The following GRM7 variants were observed in gnomAD, a reference collection of about 807,000 sequenced individuals.
GRM7 encodes glutamate metabotropic receptor 7, also known as metabotropic glutamate receptor 7.
In GRM7, 35 loss-of-function variants were observed where a neutral mutation model predicts 84.5. The ratio of observed to expected loss-of-function variants is 0.41; its 90% CI spans 0.32 to 0.55. GRM7 has a LOEUF of 0.55. Among genes scored for constraint, GRM7 ranks in the 20% least tolerant of loss-of-function variants. GRM7 has a pLI of 0.19. For missense variants in GRM7, 1,003 were observed against 1,194.6 expected (o/e 0.84, Z 2.36); for synonymous variants, 487 against 455.1 (o/e 1.07, Z -0.89).
chr3:7,633,148 T>C (rs1456664390), intron 8 of GRM7, among the ~76,000 whole-genome samples: 2 of 152,362 alleles, frequency 1.3e-5, no homozygotes, highest in African/African-American at 4.8e-5. Flanking sequence ...TACCTTCTTA[T>C]AATCATCACA....
At chr3:7,184,376 A>G (rs1695445716) in intron 2 of GRM7, among the ~76,000 whole-genome samples, 1 of 151,174 alleles carries the variant, frequency 6.6e-6, no homozygotes, top group Non-Finnish European at 1.5e-5. Flanking sequence ...TTAAAGTAGT[A>G]CTAGTTTTAT....
intron 2 of GRM7, among the ~76,000 whole-genome samples, chr3:7,268,849 G>GGAAT: frequency 1.3e-5 from 2 of 152,182 alleles, no homozygotes; most frequent in African/African-American, 4.8e-5. Flanking sequence ...TGGAACTTCA[G>GGAAT]CATGAAGTGC....
At position 7,394,777 on chromosome 3, in the gene GRM7, C is replaced by A. The variant is rs184688314; in HGVS notation, c.1034-20246C>A. ...AGGGCAGCAGATGTGGTGGCTCATG[C>A]CTGTAATCCCAGCACTTTGGGAGGC... is the stretch of plus-strand genomic sequence containing the variant. On this transcript the variant is annotated intron_variant, in intron 4 of 9. Coordinates refer to ENST00000357716, the MANE Select transcript of GRM7 (RefSeq NM_000844.4). Among the ~76,000 whole-genome samples, 232 of 152,270 alleles carry A rather than the reference C, an allele frequency of 1.5e-3. 2 individuals are homozygous for A. The highest frequency in any genetic ancestry group is 2.1e-3 in the Non-Finnish European group (144 of 68,026).
chr3:7,656,543 G>GCACACACACACA (rs140409240), intron 8 of GRM7, among the ~76,000 whole-genome samples: 5,020 of 119,758 alleles, frequency 0.042, 135 homozygotes, highest in South Asian at 0.056. Context: ...ATATATACGC[G>GCACACACACACA]CGCGCACACA....
rs73012163 is a variant in GRM7 at position 7,116,035 on chromosome 3, C to T, written c.520-30417C>T. Among the ~76,000 whole-genome samples, 411 of 152,228 alleles carry T rather than the reference C, an allele frequency of 2.7e-3. 3 individuals are homozygous for T. Among genetic ancestry groups the T allele is most frequent in the Non-Finnish European group, 4.9e-3 (330 of 68,002 alleles). On this transcript the variant is annotated intron_variant, in intron 1 of 9. Coordinates refer to ENST00000357716, the MANE Select transcript of GRM7 (RefSeq NM_000844.4). ...TGCAAAGACCCTGGCAATAAAACTG[C>T]AAACTTTACAGGGAAGATGCTCTAA...
At chr3:7,686,194 A>G (rs1282264409) in intron 9 of GRM7, among the ~76,000 whole-genome samples, 1 of 152,222 alleles carries the variant, frequency 6.6e-6, no homozygotes, top group East Asian at 1.9e-4. Flanking sequence ...ACCTGAATTG[A>G]GGTGACCTGG....
At chr3:7,111,725 G>C (rs1692857709) in intron 1 of GRM7, among the ~76,000 whole-genome samples, 1 of 152,054 alleles carries the variant, frequency 6.6e-6, no homozygotes, top group Non-Finnish European at 1.5e-5. Context: ...GAATTCTATA[G>C]TATGCATGCA....
chr3:7,357,635 C>T (rs1258449909), intron 4 of GRM7, among the ~76,000 whole-genome samples: 4 of 152,074 alleles, frequency 2.6e-5, no homozygotes, highest in South Asian at 2.1e-4. Context: ...GTGACAGACC[C>T]GAATAGCTTC....
At chr3:7,065,953 G>C (rs577166810) in intron 1 of GRM7, among the ~76,000 whole-genome samples, 1 of 151,822 alleles carries the variant, frequency 6.6e-6, no homozygotes, top group African/African-American at 2.4e-5. Flanking sequence ...AAATCAAGAT[G>C]GAAATTAAAA....
chr3:7,550,565 CTCTCTCTCTCTCTGTGTGTGTG>C (rs1285559002), intron 7 of GRM7, among the ~76,000 whole-genome samples: 43 of 96,626 alleles, frequency 4.5e-4, no homozygotes, highest in Middle Eastern at 4.5e-3. Context: ...CTCTCTCTCT[CTCTCTCTCTCTCTGTGTGTGTG>C]TGTGTGTGTG....
At chr3:7,583,401 T>C (rs1187465332) in intron 8 of GRM7, among the ~76,000 whole-genome samples, 2 of 152,180 alleles carry the variant, frequency 1.3e-5, no homozygotes, top group Admixed American at 1.3e-4. Context: ...TGTTTCTCCA[T>C]CCACGCCCAA....
At chr3:7,510,965 A>ATTTAGCACATG (rs980643450) in intron 7 of GRM7, among the ~76,000 whole-genome samples, 2 of 152,168 alleles carry the variant, frequency 1.3e-5, no homozygotes, top group African/African-American at 4.8e-5. Flanking sequence ...AACTTTGCCA[A>ATTTAGCACATG]TCCCTAATTT....
At chr3:6,904,047 C>T (rs762401480) in intron 1 of GRM7, among the ~76,000 whole-genome samples, 2 of 152,006 alleles carry the variant, frequency 1.3e-5, no homozygotes, top group Non-Finnish European at 2.9e-5. Context: ...TTGTATATAT[C>T]GTCTACGTGT....
intron 8 of GRM7, among the ~76,000 whole-genome samples, chr3:7,646,191 A>G (rs544586924): frequency 2.6e-5 from 4 of 151,326 alleles, no homozygotes; most frequent in African/African-American, 9.7e-5. Flanking sequence ...TATTATTGTT[A>G]TTATTATTAT....
chr3:7,605,988 C>G (rs1696546182), intron 8 of GRM7, among the ~76,000 whole-genome samples: 1 of 152,124 alleles, frequency 6.6e-6, no homozygotes, highest in Non-Finnish European at 1.5e-5. Context: ...GCCATGTTGA[C>G]CGATGTCTGA....
chr3:7,557,407 A>G (rs1434171160), intron 7 of GRM7, among the ~76,000 whole-genome samples: 1 of 152,194 alleles, frequency 6.6e-6, no homozygotes. Flanking sequence ...TTGCAGTTTG[A>G]ATATATTTTG....
intron 1 of GRM7, among the ~76,000 whole-genome samples, chr3:6,872,160 T>G (rs888879584): frequency 6.6e-6 from 1 of 152,212 alleles, no homozygotes; most frequent in African/African-American, 2.4e-5. Context: ...CCACAATTTC[T>G]GAAACAGTTA....
At chr3:7,352,882 A>G (rs1241704296) in intron 4 of GRM7, among the ~76,000 whole-genome samples, 1 of 152,056 alleles carries the variant, frequency 6.6e-6, no homozygotes, top group Admixed American at 6.6e-5. Flanking sequence ...CCTAACTTAC[A>G]GGATCCCATT....
Position 7,590,778 on chromosome 3 carries a change from T to C in GRM7, c.2451+11421T>C, listed in dbSNP as rs1310734047. ...AGACACATATCATGGCTTCCTTAAC[T>C]CTCCTCTACCCCAGCTAAAGGGAGC... is the stretch of plus-strand genomic sequence containing the variant. On this transcript the variant is annotated intron_variant, in intron 8 of 9. Transcript: ENST00000357716. 2.6e-5 allele frequency among the ~76,000 whole-genome samples: 4 copies of C among 152,132 alleles called. No homozygotes were observed. In the East Asian group the frequency reaches 7.7e-4, roughly 29 times the overall value.
Sources: allele counts gnomAD v4.1 joint callset (sites outside exome capture counted in the v4.1 genomes callset), GRCh38; gene constraint gnomAD v4.1.1; transcripts MANE v1.5; gene names NCBI Gene and HGNC (gene_info 2026-07-23, HGNC 2026-07-21).